Variants in ASAP2 observed in about 807,000 individuals in gnomAD.
ASAP2 encodes arf-GAP with SH3 domain, ANK repeat and PH domain-containing protein 2.
In ASAP2, 45 loss-of-function variants were observed where a neutral mutation model predicts 131.4. The observed-to-expected ratio is 0.34, with a 90% CI of 0.27 to 0.44. The LOEUF (loss-of-function observed/expected upper bound fraction) is 0.44. Ranked by LOEUF, ASAP2 falls within the 20% of genes least tolerant of loss-of-function variation. The pLI, the probability that ASAP2 is intolerant of heterozygous loss-of-function variation, is 1.00. For synonymous variants in ASAP2, 510 were observed against 503.0 expected (o/e 1.01, Z -0.19); for missense variants, 1,011 against 1,297.0 (o/e 0.78, Z 3.39).
At chr2:9,230,394 C>T (rs1409586162) in intron 1 of ASAP2, among the ~76,000 whole-genome samples, 1 of 152,218 alleles carries the variant, frequency 6.6e-6, no homozygotes, top group African/African-American at 2.4e-5. Flanking sequence ...AGCCGTGACT[C>T]TGGCAGGCGA....
intron 17 of ASAP2, among the ~76,000 whole-genome samples, chr2:9,375,169 C>G (rs1234415177): frequency 6.6e-6 from 1 of 151,130 alleles, no homozygotes; most frequent in Non-Finnish European, 1.5e-5. Context: ...GTAGTCCCAG[C>G]TACTCAGGAG....
At chr2:9,385,098 A>G (rs967715657) in intron 20 of ASAP2, 147 bp from the exon 21 acceptor site, 3 of 614,712 alleles carry the variant, frequency 4.9e-6, no homozygotes, top group African/African-American at 3.7e-5. Context: ...AAGTAGGCAG[A>G]GGGGCGGGGG....
chr2:9,210,008 G>A (rs1010874015), intron 1 of ASAP2, among the ~76,000 whole-genome samples: 14 of 152,212 alleles, frequency 9.2e-5, no homozygotes, highest in African/African-American at 2.7e-4. Flanking sequence ...TATAGTAACT[G>A]TTGGGCCCTT....
intron 1 of ASAP2, among the ~76,000 whole-genome samples, chr2:9,247,684 G>A (rs1386851840): frequency 5.3e-5 from 8 of 152,190 alleles, no homozygotes; most frequent in African/African-American, 9.7e-5. Flanking sequence ...GTGAAACAGC[G>A]TTTAGAAAGC....
chr2:9,358,296 A>G (rs1282345140), intron 14 of ASAP2, among the ~76,000 whole-genome samples: 3 of 152,254 alleles, frequency 2.0e-5, no homozygotes, highest in Admixed American at 1.3e-4. Context: ...TCTTATGTAC[A>G]TAGTACGTTC....
At chr2:9,308,489 T>A (rs999830524) in intron 3 of ASAP2, among the ~76,000 whole-genome samples, 4 of 152,094 alleles carry the variant, frequency 2.6e-5, no homozygotes, top group African/African-American at 9.7e-5. Flanking sequence ...CCAAACCACA[T>A]CAGTGATTTT....
intron 2 of ASAP2, among the ~76,000 whole-genome samples, chr2:9,290,317 C>T (rs1490724445): frequency 1.3e-5 from 2 of 152,210 alleles, no homozygotes; most frequent in African/African-American, 4.8e-5. Flanking sequence ...TGAAGTGATT[C>T]TCATGCCTCA....
chr2:9,224,232 C>A (rs938637945), intron 1 of ASAP2, among the ~76,000 whole-genome samples: 15 of 152,132 alleles, frequency 9.9e-5, no homozygotes, highest in Non-Finnish European at 1.8e-4. Flanking sequence ...TCCTGCTTGA[C>A]CTCTGAATAC....
intron 1 of ASAP2, among the ~76,000 whole-genome samples, chr2:9,255,258 A>G (rs578197162): frequency 6.6e-6 from 1 of 152,374 alleles, no homozygotes; most frequent in South Asian, 2.1e-4. Context: ...ACAATGCATC[A>G]TGAGAGTAGA....
intron 2 of ASAP2, among the ~76,000 whole-genome samples, chr2:9,295,536 G>A (rs2148386520): frequency 6.6e-6 from 1 of 152,266 alleles, no homozygotes; most frequent in Non-Finnish European, 1.5e-5. Flanking sequence ...CCTTTATGTA[G>A]CTGACGCCGC....
chr2:9,317,910 T>C (rs1408352677), intron 3 of ASAP2, among the ~76,000 whole-genome samples: 1 of 152,116 alleles, frequency 6.6e-6, no homozygotes, highest in African/African-American at 2.4e-5. Flanking sequence ...CATTCACTCT[T>C]ATACTCAAGC....
chr2:9,218,597 T>C (rs940025148), intron 1 of ASAP2, among the ~76,000 whole-genome samples: 3 of 152,118 alleles, frequency 2.0e-5, no homozygotes, highest in Admixed American at 6.5e-5. Context: ...GTTGAGGCCT[T>C]GTACTGTATT....
intron 2 of ASAP2, among the ~76,000 whole-genome samples, chr2:9,293,411 C>A (rs536335741): frequency 1.3e-5 from 2 of 152,276 alleles, no homozygotes; most frequent in African/African-American, 4.8e-5. Context: ...GTTTAAGATA[C>A]ATTTGAACAA....
At chr2:9,336,952 C>T (rs1671244556) in intron 9 of ASAP2, among the ~76,000 whole-genome samples, 2 of 152,238 alleles carry the variant, frequency 1.3e-5, no homozygotes, top group South Asian at 4.1e-4. Context: ...CCAAATGGCC[C>T]TCTGGGCACA....
intron 1 of ASAP2, among the ~76,000 whole-genome samples, chr2:9,270,919 A>T (rs1245322698): frequency 1.1e-4 from 16 of 148,758 alleles, no homozygotes; most frequent in African/African-American, 4.0e-4. Flanking sequence ...CAGCCTCCCG[A>T]GTAGCTGGGA....
intron 2 of ASAP2, among the ~76,000 whole-genome samples, chr2:9,289,920 G>A (rs891907339): frequency 2.0e-5 from 3 of 152,168 alleles, no homozygotes; most frequent in Non-Finnish European, 4.4e-5. Context: ...GAAAGATGAT[G>A]GAAATGGGTA....
At chr2:9,401,097 T>G (rs1313706151) in intron 26 of ASAP2, among the ~76,000 whole-genome samples, 177 bp from the exon 27 acceptor site, 1 of 151,906 alleles carries the variant, frequency 6.6e-6, no homozygotes, top group Non-Finnish European at 1.5e-5. Flanking sequence ...TGGGGAGCTC[T>G]TCCCTTTTCT....
At chr2:9,251,176 G>A (rs1664678282) in intron 1 of ASAP2, among the ~76,000 whole-genome samples, 1 of 152,230 alleles carries the variant, frequency 6.6e-6, no homozygotes, top group Admixed American at 6.5e-5. Flanking sequence ...TTGAAAGGAG[G>A]AACGTGGCCA....
intron 9 of ASAP2, among the ~76,000 whole-genome samples, chr2:9,338,826 C>T (rs1156533983): frequency 6.6e-6 from 1 of 152,138 alleles, no homozygotes; most frequent in Non-Finnish European, 1.5e-5. Flanking sequence ...TGGGCAGGTG[C>T]CATCAGGGAT....
Sources: gnomAD v4.1 joint callset for allele counts (sites outside exome capture counted in the v4.1 genomes callset) on GRCh38, gnomAD v4.1.1 for gene constraint, MANE v1.5 for transcripts, NCBI Gene and HGNC (gene_info 2026-07-23, HGNC 2026-07-21) for gene names.